ITGA8: variants seen among roughly 807,000 people sequenced by gnomAD.
ITGA8 encodes the protein integrin subunit alpha 8, also known as integrin alpha-8.
A neutral mutation model predicts 142.3 loss-of-function variants in ITGA8; 91 were observed. The observed-to-expected ratio is 0.64, with a 90% CI of 0.54 to 0.76. The LOEUF (loss-of-function observed/expected upper bound fraction) is 0.76, where lower values mean the gene tolerates loss of function less well. Among genes scored for constraint, ITGA8 ranks in the 30% least tolerant of loss-of-function variants. ITGA8 has a pLI of 0.00. For synonymous variants in ITGA8, 505 were observed against 485.2 expected (o/e 1.04, Z -0.54); for missense variants, 1,406 against 1,327.7 (o/e 1.06, Z -0.92).
At chr10:15,627,847 C>G (rs1327597289) in intron 13 of ITGA8, among the ~76,000 whole-genome samples, 4 of 152,032 alleles carry the variant, frequency 2.6e-5, no homozygotes, top group Non-Finnish European at 5.9e-5. Flanking sequence ...GTTAGTCATT[C>G]TGAGTCACAG....
At chr10:15,713,369 T>G (rs563741154) in intron 2 of ITGA8, among the ~76,000 whole-genome samples, 1 of 152,192 alleles carries the variant, frequency 6.6e-6, no homozygotes, top group South Asian at 2.1e-4. Context: ...GTAGCAAAAC[T>G]TACTCTCATT....
intron 25 of ITGA8, among the ~76,000 whole-genome samples, chr10:15,567,331 A>T (rs1478131910): frequency 1.3e-5 from 2 of 152,294 alleles, no homozygotes; most frequent in East Asian, 3.9e-4. Context: ...GATAGTTTGA[A>T]ATAATTATTG....
intron 28 of ITGA8, among the ~76,000 whole-genome samples, chr10:15,523,062 G>C (rs1833100131): frequency 6.6e-6 from 1 of 152,036 alleles, no homozygotes; most frequent in African/African-American, 2.4e-5. Flanking sequence ...ACTATTTTAT[G>C]TTAAACAGAA....
At chr10:15,665,244 A>C (rs948981089) in intron 8 of ITGA8, among the ~76,000 whole-genome samples, 10 of 152,066 alleles carry the variant, frequency 6.6e-5, no homozygotes, top group African/African-American at 2.2e-4. Context: ...TGTGGTTTTG[A>C]TTTGCATTTC....
At position 15,514,015 on chromosome 10, in the gene ITGA8, T is replaced by C. The variant is rs528103191; in HGVS notation, c.*3143A>G. 1 of 152,322 alleles carries C rather than the reference T, an allele frequency of 6.6e-6. No individual in the cohort carries two copies. The highest frequency in any genetic ancestry group is 2.1e-4 in the South Asian group (1 of 4,822). 9.4% of individuals were successfully genotyped at this position (152,322 alleles called of 1,614,324 possible). A position where few individuals can be genotyped will look rare whatever the true frequency, so the allele number is the denominator to read the frequency against. ...AGGTACATGAAAATCTTCACAGATA[T>C]CTACGCACGTATTTAAATAAAACAA... On this transcript the variant is annotated 3_prime_UTR_variant, in exon 30 of 30. Coordinates refer to ENST00000378076, the MANE Select transcript of ITGA8 (RefSeq NM_003638.3).
intron 23 of ITGA8, among the ~76,000 whole-genome samples, chr10:15,586,191 T>C (rs970933416): frequency 4.0e-5 from 6 of 151,298 alleles, no homozygotes; most frequent in Non-Finnish European, 7.4e-5. Flanking sequence ...CCTGAGTAGC[T>C]GGGATTACAG....
intron 27 of ITGA8, among the ~76,000 whole-genome samples, chr10:15,532,537 C>A (rs536773424): frequency 6.7e-6 from 1 of 150,048 alleles, no homozygotes; most frequent in Non-Finnish European, 1.5e-5. Context: ...TTTAACAGAG[C>A]TTCTCAGTGA....
In ITGA8 at chr10:15,607,704, C is replaced by T. The variant is rs764891335; in HGVS notation, c.1737G>A (p.Gln579=). 4.3e-6 allele frequency: 7 copies of T among 1,613,700 alleles called. No individual in the cohort carries two copies. Among genetic ancestry groups the T allele is most frequent in the African/African-American group, 2.7e-5 (2 of 74,886 alleles). ...GAAGGTAAACGATGAAATCCTGGCA[C>T]TGGTGGGATTTCTGCCTTTTTATCA... is the stretch of plus-strand genomic sequence containing the variant. ...PLVIKRQKSH[Q]CQDFIVYLRD... The change falls in exon 17 of 30, where the codon CAG becomes CAA. Residue 579 remains glutamine, a synonymous_variant. Transcript: ENST00000378076.
At chr10:15,535,034 T>C (rs7090759) in intron 27 of ITGA8, among the ~76,000 whole-genome samples, 34,153 of 152,040 alleles carry the variant, frequency 0.22, 5,657 homozygotes, top group African/African-American at 0.47. Flanking sequence ...CGGGCCAGTG[T>C]GAGTTCCGCG....
At chr10:15,611,154 A>G (rs1469944396) in intron 15 of ITGA8, among the ~76,000 whole-genome samples, 1 of 152,228 alleles carries the variant, frequency 6.6e-6, no homozygotes, top group Non-Finnish European at 1.5e-5. Context: ...AAATCAACGG[A>G]GACCTTTCAA....
intron 6 of ITGA8, among the ~76,000 whole-genome samples, chr10:15,674,867 G>A (rs1451735813): frequency 6.6e-6 from 1 of 151,478 alleles, no homozygotes; most frequent in East Asian, 1.9e-4. Context: ...TTAAACCTGG[G>A]AGGCAGAGGT....
chr10:15,526,198 C>T (rs183208916), intron 28 of ITGA8, among the ~76,000 whole-genome samples: 128 of 149,846 alleles, frequency 8.5e-4, no homozygotes, highest in Middle Eastern at 3.4e-3. Flanking sequence ...TTTTTTGAGA[C>T]GGAGTTGTGC....
rs1050626415 is a variant in ITGA8 at position 15,613,799 on chromosome 10, T to C, written c.1446-32A>G. 3 of 1,492,070 alleles carry C rather than the reference T, an allele frequency of 2.0e-6. No homozygotes were observed. In the African/African-American group the frequency reaches 4.1e-5, roughly 21 times the overall value. 92.4% of individuals were successfully genotyped at this position (1,492,070 alleles called of 1,614,324 possible). The stretch of plus-strand genomic sequence containing the variant: ...GGAGAAAATGCAGGGTTTGTTTAAA[T>C]AAAACACAAGGGTGATAGGCAGGCA... On this transcript the variant is annotated intron_variant, in intron 14 of 29. Coordinates refer to ENST00000378076, the MANE Select transcript of ITGA8 (RefSeq NM_003638.3).
intron 2 of ITGA8, among the ~76,000 whole-genome samples, chr10:15,714,027 G>C (rs1331988946): frequency 6.6e-6 from 1 of 152,084 alleles, no homozygotes; most frequent in African/African-American, 2.4e-5. Flanking sequence ...ACTGTGACTG[G>C]TTCCCAGCTG....
chr10:15,648,304 C>T (rs980071341), intron 11 of ITGA8, among the ~76,000 whole-genome samples: 4 of 152,066 alleles, frequency 2.6e-5, no homozygotes, highest in Non-Finnish European at 5.9e-5. Context: ...CATATATTTG[C>T]ATTTGACTTT....
At chr10:15,649,623 A>G (rs1324670517) in intron 11 of ITGA8, among the ~76,000 whole-genome samples, 3 of 151,894 alleles carry the variant, frequency 2.0e-5, no homozygotes, top group Admixed American at 1.3e-4. Context: ...CTCAAAAAAA[A>G]AAAAAAAAAA....
chr10:15,604,219 G>A lies in ITGA8; in HGVS notation c.2107C>T (p.Arg703Cys), dbSNP rs150974250. 6.5e-5 allele frequency: 104 copies of A among 1,609,556 alleles called. 1 individual carries two copies. The highest frequency in any genetic ancestry group is 3.6e-4 in the Admixed American group (21 of 59,080). ...PEEADYVGIERNNKGFRPLSC... is the reference protein window; with the variant it reads ...PEEADYVGIECNNKGFRPLSC... ...TTTGCAGGCATTACCTTGTTGTTGC[G>A]TTCGATTCCAACATAATCTGCCTCT... The change falls in exon 20 of 30, where the codon CGC becomes TGC. Residue 703 changes from arginine to cysteine, a missense_variant. Physicochemically the swap from Arg to Cys is radical, Grantham distance 180. Transcript: ENST00000378076.
At chr10:15,621,665 G>C (rs78861645) in intron 13 of ITGA8, among the ~76,000 whole-genome samples, 2,764 of 152,200 alleles carry the variant, frequency 0.018, 93 homozygotes, top group African/African-American at 0.063. Flanking sequence ...CCTAGGGAAC[G>C]GTCAGGCCAA....
chr10:15,658,619 A>G (rs1834229688), intron 10 of ITGA8, among the ~76,000 whole-genome samples: 1 of 152,058 alleles, frequency 6.6e-6, no homozygotes, highest in African/African-American at 2.4e-5. Flanking sequence ...TGTCATTCAC[A>G]TCTCAGCCCA....
Sources: gnomAD v4.1 joint callset for allele counts (sites outside exome capture counted in the v4.1 genomes callset) on GRCh38, gnomAD v4.1.1 for gene constraint, MANE v1.5 for transcripts, NCBI Gene and HGNC (gene_info 2026-07-23, HGNC 2026-07-21) for gene names.